ARHGAP6: variants seen among roughly 807,000 people sequenced by gnomAD.
The protein encoded by ARHGAP6 is rho GTPase-activating protein 6.
In ARHGAP6, 16 loss-of-function variants were observed where a neutral mutation model predicts 55.7. That is an observed-to-expected ratio of 0.29 (90% CI 0.19 to 0.44). ARHGAP6 has a LOEUF of 0.44. Among genes scored for constraint, ARHGAP6 ranks in the 20% least tolerant of loss-of-function variants. The pLI is 1.00. For synonymous variants in ARHGAP6, 382 were observed against 360.9 expected (o/e 1.06, Z -0.66); for missense variants, 698 against 808.9 (o/e 0.86, Z 1.66).
chrX:11,399,354 C>CAAAAAAAAAAAAAAAAA (rs56197001), intron 1 of ARHGAP6, among the ~76,000 whole-genome samples: 3 of 35,313 alleles, frequency 8.5e-5, no homozygotes, highest in African/African-American at 2.1e-4. Context: ...AATAAGCAAT[C>CAAAAAAAAAAAAAAAAA]AAAAAAAAAA....
intron 1 of ARHGAP6, among the ~76,000 whole-genome samples, chrX:11,369,563 T>C (rs781617939): frequency 2.0e-4 from 22 of 111,929 alleles, no homozygotes; most frequent in South Asian, 3.7e-4. Flanking sequence ...CACAATGTAT[T>C]GATCCCTCTA....
intron 1 of ARHGAP6, among the ~76,000 whole-genome samples, chrX:11,508,336 G>A (rs749101047): frequency 1.8e-5 from 2 of 110,858 alleles, no homozygotes; most frequent in South Asian, 7.8e-4. Context: ...TTTAACATAA[G>A]TATGTCCCAT....
chrX:11,389,061 G>C (rs2049369454), intron 1 of ARHGAP6, among the ~76,000 whole-genome samples: 1 of 111,641 alleles, frequency 9.0e-6, no homozygotes, highest in African/African-American at 3.3e-5. Flanking sequence ...GGGACATTTG[G>C]CAATATTTCA....
intron 2 of ARHGAP6, among the ~76,000 whole-genome samples, chrX:11,229,738 C>G (rs1462244385): frequency 8.9e-6 from 1 of 111,831 alleles, no homozygotes; most frequent in East Asian, 2.8e-4. Context: ...ATGAATTGTT[C>G]AGAACACAAT....
chrX:11,399,553 C>T lies in ARHGAP6; in HGVS notation c.589-144846G>A, dbSNP rs185219761. On this transcript the variant is annotated intron_variant, in intron 1 of 12. Transcript: ENST00000337414. The stretch of plus-strand genomic sequence containing the variant: ...AGAGGATATGGAGAAATCTGAATCC[C>T]TGTATTAAGATTGGTGCAAAAGTAA... Among the ~76,000 whole-genome samples the T allele has an allele frequency of 6.3e-5, 7 of 110,929 alleles. No homozygotes were observed. The East Asian group carries it at 2.0e-3, about 31-fold the overall frequency.
At chrX:11,160,757 A>G (rs1017902298) in intron 9 of ARHGAP6, among the ~76,000 whole-genome samples, 3 of 112,070 alleles carry the variant, frequency 2.7e-5, no homozygotes, top group Non-Finnish European at 5.6e-5. Flanking sequence ...TTTATGTAGC[A>G]TATGTGACTC....
intron 1 of ARHGAP6, among the ~76,000 whole-genome samples, chrX:11,354,267 CTCTCTCTCTCTCTCTCTCTCTCTCTCTT>C (rs1183367081): frequency 1.4e-4 from 9 of 63,602 alleles, no homozygotes; most frequent in African/African-American, 4.4e-4. Context: ...ATGGAAAGAG[CTCTCTCTCTCTCTCTCTCTCTCTCTCTT>C]TCTCTCTCTC....
chrX:11,393,172 GATA>G (rs2049430866), intron 1 of ARHGAP6, among the ~76,000 whole-genome samples: 1 of 111,277 alleles, frequency 9.0e-6, no homozygotes, highest in African/African-American at 3.3e-5. Flanking sequence ...GAGAGTATAT[GATA>G]ATGATTACAA....
At chrX:11,557,273 G>A (rs2051329241) in intron 1 of ARHGAP6, among the ~76,000 whole-genome samples, 1 of 111,855 alleles carries the variant, frequency 8.9e-6, no homozygotes, top group Non-Finnish European at 1.9e-5. Flanking sequence ...CAGTATGACA[G>A]CTATGAATAG....
At chrX:11,241,226 C>T (rs1443763792) in intron 2 of ARHGAP6, among the ~76,000 whole-genome samples, 1 of 110,522 alleles carries the variant, frequency 9.0e-6, no homozygotes, top group Admixed American at 9.7e-5. Flanking sequence ...AGTTATCCCT[C>T]TCTGGGGTCT....
At chrX:11,408,789 G>T (rs1330829572) in intron 1 of ARHGAP6, among the ~76,000 whole-genome samples, 2 of 110,410 alleles carry the variant, frequency 1.8e-5, no homozygotes, top group African/African-American at 6.6e-5. Flanking sequence ...GGGTGGCAAT[G>T]CTATGGGTAT....
chrX:11,573,818 G>A (rs2051561546), intron 1 of ARHGAP6, among the ~76,000 whole-genome samples: 1 of 111,375 alleles, frequency 9.0e-6, no homozygotes, highest in Non-Finnish European at 1.9e-5. Context: ...CTACCCATGA[G>A]CATGGAATGT....
At chrX:11,589,767 G>A (rs2051782353) in intron 1 of ARHGAP6, among the ~76,000 whole-genome samples, 1 of 111,391 alleles carries the variant, frequency 9.0e-6, no homozygotes, top group Admixed American at 9.6e-5. Flanking sequence ...GTCTCATTAC[G>A]AGCCTTGCAG....
chrX:11,641,052 A>AT (rs369850260), intron 1 of ARHGAP6, among the ~76,000 whole-genome samples: 77 of 101,695 alleles, frequency 7.6e-4, no homozygotes, highest in African/African-American at 2.5e-3. Context: ...TGAGTAACCC[A>AT]TTTTTTTTTT....
rs973253376 is a variant in ARHGAP6 at position 11,450,820 on chromosome X, G to A, written c.589-196113C>T. ...TACCCTGGGCCTCTGTCCACTAAAT[G>A]TCATTTGCACACCTCCCTCCATTGT... On this transcript the variant is annotated intron_variant, in intron 1 of 12. Coordinates refer to ENST00000337414, the MANE Select transcript of ARHGAP6 (RefSeq NM_013427.3). 5.4e-5 allele frequency among the ~76,000 whole-genome samples: 6 copies of A among 111,454 alleles called. No homozygotes were observed. In the Admixed American group the frequency reaches 5.7e-4, roughly 11 times the overall value.
intron 1 of ARHGAP6, among the ~76,000 whole-genome samples, chrX:11,373,657 A>T (rs2049170697): frequency 8.9e-6 from 1 of 112,142 alleles, no homozygotes; most frequent in African/African-American, 3.2e-5. Flanking sequence ...TCTCAAATTC[A>T]ACCAGCCTTT....
intron 1 of ARHGAP6, among the ~76,000 whole-genome samples, chrX:11,382,454 G>A: frequency 9.0e-6 from 1 of 111,568 alleles, no homozygotes; most frequent in East Asian, 2.8e-4. Flanking sequence ...CTCTTCATGT[G>A]ATAAACTATT....
intron 5 of ARHGAP6, 127 bp downstream of exon 5, chrX:11,186,109 T>C (rs1006876743): frequency 3.1e-6 from 2 of 655,393 alleles, no homozygotes; most frequent in African/African-American, 4.4e-5. Flanking sequence ...ATCTGTACAC[T>C]TTCACACAGT....
Sources: allele counts gnomAD v4.1 joint callset (sites outside exome capture counted in the v4.1 genomes callset), GRCh38; gene constraint gnomAD v4.1.1; transcripts MANE v1.5; gene names NCBI Gene and HGNC (gene_info 2026-07-23, HGNC 2026-07-21).